The following SNTG2 variants were observed in gnomAD, a reference collection of about 807,000 sequenced individuals.
The protein encoded by SNTG2 is gamma-2-syntrophin.
A neutral mutation model predicts 70.9 loss-of-function variants in SNTG2; 74 were observed. The observed-to-expected ratio is 1.04, with a 90% CI of 0.86 to 1.27. The LOEUF is 1.27. SNTG2 is among the 50% of genes most tolerant of loss of function. SNTG2 has a pLI of 0.00. For synonymous variants in SNTG2, 278 were observed against 273.8 expected (o/e 1.02, Z -0.15); for missense variants, 717 against 690.7 (o/e 1.04, Z -0.43).
chr2:1,281,238 G>A (rs72770651), intron 14 of SNTG2, among the ~76,000 whole-genome samples: 64 of 2,794 alleles, frequency 0.023, 7 homozygotes, highest in Middle Eastern at 0.25. Flanking sequence ...TATGTGGTGT[G>A]GTGTGTGGTG....
At chr2:1,175,504 C>T (rs1035341099) in intron 8 of SNTG2, among the ~76,000 whole-genome samples, 1 of 152,196 alleles carries the variant, frequency 6.6e-6, no homozygotes, top group East Asian at 1.9e-4. Flanking sequence ...GCCAGATTTA[C>T]TGGGGAGAAT....
At chr2:1,030,785 T>C (rs1358846924) in intron 1 of SNTG2, among the ~76,000 whole-genome samples, 2 of 144,790 alleles carry the variant, frequency 1.4e-5, no homozygotes, top group African/African-American at 5.8e-5. Context: ...CATAAAACTG[T>C]GCATTTACTG....
chr2:1,031,528 AT>A (rs745388505), intron 1 of SNTG2, among the ~76,000 whole-genome samples: 1,660 of 58,958 alleles, frequency 0.028, 66 homozygotes, highest in African/African-American at 0.12. Context: ...ATATATATAT[AT>A]TTTTTTTTTT....
At chr2:1,105,526 T>G (rs1666061749) in intron 4 of SNTG2, among the ~76,000 whole-genome samples, 1 of 152,196 alleles carries the variant, frequency 6.6e-6, no homozygotes, top group Non-Finnish European at 1.5e-5. Flanking sequence ...TTCAGCCTAC[T>G]TAGCAACCGC....
chr2:1,322,637 G>A (rs527629205), intron 16 of SNTG2, among the ~76,000 whole-genome samples: 1 of 151,544 alleles, frequency 6.6e-6, no homozygotes, highest in Admixed American at 6.6e-5. Flanking sequence ...CTCTCACTCT[G>A]TCTCTCTCTC....
At chr2:1,327,658 T>C (rs1309808063) in intron 16 of SNTG2, among the ~76,000 whole-genome samples, 1 of 152,220 alleles carries the variant, frequency 6.6e-6, no homozygotes, top group Non-Finnish European at 1.5e-5. Context: ...CTGTATGTTA[T>C]GCAGGTATCG....
chr2:1,357,945 G>T, intron 16 of SNTG2, among the ~76,000 whole-genome samples: 1 of 151,710 alleles, frequency 6.6e-6, no homozygotes, highest in East Asian at 1.9e-4. Context: ...AAAATACCAT[G>T]GTGTAAACAA....
chr2:1,299,774 T>C (rs1299054480), intron 14 of SNTG2, among the ~76,000 whole-genome samples: 1 of 152,212 alleles, frequency 6.6e-6, no homozygotes, highest in Admixed American at 6.5e-5. Flanking sequence ...GCCCGTCCTC[T>C]GTGCCTTTGG....
Position 1,125,260 on chromosome 2 carries a change from ATATT to A in SNTG2, c.326-12356_326-12353del, listed in dbSNP as rs756159984. Among the ~76,000 whole-genome samples, 4 of 152,322 alleles carry A rather than the reference ATATT, an allele frequency of 2.6e-5. No individual in the cohort carries two copies. In the East Asian group the frequency reaches 5.8e-4, roughly 22 times the overall value. ...CTGCTCGAGAGATTTCTTGCATAGC[ATATT>A]TATTTCATAATATTAAAACTTCATT... On this transcript the variant is annotated intron_variant, in intron 4 of 16. Coordinates refer to ENST00000308624, the MANE Select transcript of SNTG2 (RefSeq NM_018968.4).
chr2:1,167,425 G>A (rs1281484234), intron 7 of SNTG2, among the ~76,000 whole-genome samples: 4 of 92,790 alleles, frequency 4.3e-5, no homozygotes, highest in African/African-American at 1.3e-4. Context: ...CTGAAGCCTA[G>A]AAGCCGCCCA....
chr2:1,031,223 T>C (rs10207663), intron 1 of SNTG2, among the ~76,000 whole-genome samples: 3,397 of 152,046 alleles, frequency 0.022, 133 homozygotes, highest in African/African-American at 0.076. Flanking sequence ...TTTTGTTGAG[T>C]GGACTTTACG....
chr2:1,196,984 A>T (rs752950988), intron 8 of SNTG2, among the ~76,000 whole-genome samples: 1 of 152,140 alleles, frequency 6.6e-6, no homozygotes, highest in Non-Finnish European at 1.5e-5. Flanking sequence ...AAGAGAAAAG[A>T]CTCAAGTGTT....
intron 4 of SNTG2, among the ~76,000 whole-genome samples, chr2:1,105,562 TA>T (rs1666063658): frequency 6.6e-6 from 1 of 152,166 alleles, no homozygotes; most frequent in African/African-American, 2.4e-5. Flanking sequence ...TTTTAATACC[TA>T]AAATCACCAT....
chr2:1,307,371 A>G (rs935131173), intron 14 of SNTG2, among the ~76,000 whole-genome samples: 1 of 132,202 alleles, frequency 7.6e-6, no homozygotes, highest in Non-Finnish European at 1.6e-5. Flanking sequence ...GTGTGTGTGT[A>G]TATATGGTGT....
chr2:1,197,523 G>GTA lies in SNTG2; in HGVS notation c.592-11579_592-11578insAT, dbSNP rs1553353460. Among the ~76,000 whole-genome samples, 198 of 97,458 alleles carry GTA rather than the reference G, an allele frequency of 2.0e-3. 3 individuals are homozygous for GTA. Among genetic ancestry groups the GTA allele is most frequent in the African/African-American group, 6.8e-3 (189 of 27,632 alleles). The allele number at this position is 97,458 out of a possible 152,430, so 63.9% of individuals were successfully genotyped here. ...TATGTGTATGTATATATATGTGTGTGTGTGTGTGTGTGTGTGTGTGTGTGT... is the reference window on the plus strand; with the variant it reads ...TATGTGTATGTATATATATGTGTGTGTATGTGTGTGTGTGTGTGTGTGTGTGT... On this transcript the variant is annotated intron_variant, in intron 8 of 16. Transcript: ENST00000308624.
intron 14 of SNTG2, among the ~76,000 whole-genome samples, chr2:1,273,685 T>C (rs923656141): frequency 6.6e-6 from 1 of 150,908 alleles, no homozygotes; most frequent in Non-Finnish European, 1.5e-5. Context: ...GAATGAAATA[T>C]AAGTACAAAA....
chr2:1,045,601 G>T (rs2148066985), intron 1 of SNTG2, among the ~76,000 whole-genome samples: 1 of 152,230 alleles, frequency 6.6e-6, no homozygotes, highest in Admixed American at 6.5e-5. Flanking sequence ...TAGTTTCAAA[G>T]AATTTCTTGA....
chr2:1,306,000 C>T (rs1680652359), intron 14 of SNTG2, among the ~76,000 whole-genome samples: 1 of 152,166 alleles, frequency 6.6e-6, no homozygotes, highest in Admixed American at 6.5e-5. Context: ...ACTTTCATTT[C>T]CTATTTTATA....
intron 6 of SNTG2, chr2:1,159,358 T>C (rs1670127105): frequency 6.6e-6 from 1 of 152,050 alleles, no homozygotes; most frequent in African/African-American, 2.4e-5. Flanking sequence ...CCAGAACACG[T>C]GGGGCATTAA....
Sources: allele counts gnomAD v4.1 joint callset (sites outside exome capture counted in the v4.1 genomes callset), GRCh38; gene constraint gnomAD v4.1.1; transcripts MANE v1.5; gene names NCBI Gene and HGNC (gene_info 2026-07-23, HGNC 2026-07-21).